The following WARS2 variants were observed in gnomAD, a reference collection of about 807,000 sequenced individuals.
The protein encoded by WARS2 is tryptophanyl tRNA synthetase 2, mitochondrial.
A neutral mutation model predicts 36.5 loss-of-function variants in WARS2; 28 were observed. That is an observed-to-expected ratio of 0.77 (90% CI 0.57 to 1.05). The LOEUF (loss-of-function observed/expected upper bound fraction) is 1.05, where lower values mean the gene tolerates loss of function less well. Ranked by LOEUF, WARS2 falls within the 50% of genes least tolerant of loss-of-function variation. The probability of loss-of-function intolerance (pLI) is 0.00; values close to 1 mark genes in which losing one functional copy is unlikely to be tolerated. For missense variants in WARS2, 435 were observed against 456.8 expected (o/e 0.95, Z 0.44); for synonymous variants, 174 against 178.4 (o/e 0.98, Z 0.20).
At chr1:119,114,460 G>C (rs181366919) in intron 1 of WARS2, among the ~76,000 whole-genome samples, 1 of 152,298 alleles carries the variant, frequency 6.6e-6, no homozygotes, top group African/African-American at 2.4e-5. Flanking sequence ...CTGGAGTAAA[G>C]TCCCTAAATG....
At chr1:119,078,945 TAG>T (rs1651979636) in intron 1 of WARS2, among the ~76,000 whole-genome samples, 1 of 114,000 alleles carries the variant, frequency 8.8e-6, no homozygotes, top group Non-Finnish European at 1.8e-5. Flanking sequence ...TACATATAGC[TAG>T]ACACACACAC....
At position 119,078,897 on chromosome 1, in the gene WARS2, CGTGTGT is replaced by C. The variant is rs144044142; in HGVS notation, c.91-2296_91-2291del. On this transcript the variant is annotated intron_variant, in intron 1 of 5. Transcript: ENST00000235521. ...AATACCCTGCAGTTATGAAGGTGCA[CGTGTGT>C]GTGTGTGTGTGTGTGTGCATATATG... Among the ~76,000 whole-genome samples the C allele has an allele frequency of 6.1e-5, 9 of 148,432 alleles. No homozygotes were observed. The South Asian group carries it at 8.6e-4, about 14-fold the overall frequency.
At chr1:119,098,873 A>G (rs1242260463) in intron 1 of WARS2, among the ~76,000 whole-genome samples, 2 of 152,064 alleles carry the variant, frequency 1.3e-5, no homozygotes, top group Non-Finnish European at 2.9e-5. Context: ...AGTAGTTGGG[A>G]TTACAGATGC....
chr1:119,089,831 T>C (rs1210328068), intron 1 of WARS2, among the ~76,000 whole-genome samples: 2 of 152,112 alleles, frequency 1.3e-5, no homozygotes, highest in Non-Finnish European at 2.9e-5. Context: ...TGCAGGGACA[T>C]AGATGGAGTT....
chr1:119,051,965 G>A (rs1234550617), intron 2 of WARS2, among the ~76,000 whole-genome samples: 2 of 151,676 alleles, frequency 1.3e-5, no homozygotes, highest in Admixed American at 6.6e-5. Flanking sequence ...TCACCATATC[G>A]GCCAGGCTGG....
At chr1:119,135,761 G>C (rs374971892) in intron 1 of WARS2, among the ~76,000 whole-genome samples, 1 of 87,080 alleles carries the variant, frequency 1.1e-5, no homozygotes, top group African/African-American at 4.3e-5. Flanking sequence ...TAGAGAGATA[G>C]AGAGAGAGAG....
chr1:119,091,588 C>G lies in WARS2; in HGVS notation c.91-14981G>C, dbSNP rs17023227. ...AAACTTCTAAGGGGTGTGTGATTCT[C>G]TTACACTGCTCACGCTAAAGATAAC... On this transcript the variant is annotated intron_variant, in intron 1 of 5. Coordinates refer to ENST00000235521, the MANE Select transcript of WARS2 (RefSeq NM_015836.4). 8.5e-3 allele frequency among the ~76,000 whole-genome samples: 1,294 copies of G among 152,290 alleles called. 17 individuals carry two copies. Among genetic ancestry groups the G allele is most frequent in the African/African-American group, 0.03 (1,235 of 41,564 alleles).
intron 1 of WARS2, chr1:119,085,268 A>C (rs1652541707): frequency 2.1e-6 from 2 of 955,180 alleles, no homozygotes; most frequent in South Asian, 2.6e-5. Context: ...TCTCTGCCCA[A>C]CCAGAGTAGG....
chr1:119,099,567 C>T (rs56833955), intron 1 of WARS2, among the ~76,000 whole-genome samples: 1,564 of 152,214 alleles, frequency 0.01, 35 homozygotes, highest in African/African-American at 0.036. Flanking sequence ...TTACTAATGT[C>T]TTCAGCAGTA....
At chr1:119,081,756 T>C (rs1022263245) in intron 1 of WARS2, among the ~76,000 whole-genome samples, 9 of 152,314 alleles carry the variant, frequency 5.9e-5, no homozygotes, top group African/African-American at 1.9e-4. Context: ...CCTACATTCC[T>C]GAAATTATCT....
At chr1:119,044,857 A>G (rs562630399) in intron 3 of WARS2, among the ~76,000 whole-genome samples, 37 of 152,304 alleles carry the variant, frequency 2.4e-4, no homozygotes, top group African/African-American at 8.2e-4. Flanking sequence ...GAGGGAACAC[A>G]TTCAGACCAT....
intron 4 of WARS2, 45 bp downstream of exon 4, chr1:119,042,219 T>C: frequency 6.3e-7 from 1 of 1,583,392 alleles, no homozygotes; most frequent in South Asian, 1.1e-5. Flanking sequence ...AACACTCTCT[T>C]GTCACCATGA....
At chr1:119,076,994 C>A (rs1001475516) in intron 1 of WARS2, among the ~76,000 whole-genome samples, 3 of 151,614 alleles carry the variant, frequency 2.0e-5, no homozygotes, top group African/African-American at 7.3e-5. Context: ...ACAAAAATCA[C>A]CTGGGCGTGG....
At chr1:119,108,207 T>G (rs1447491442) in intron 1 of WARS2, among the ~76,000 whole-genome samples, 2 of 152,038 alleles carry the variant, frequency 1.3e-5, no homozygotes. Context: ...ACAGAATGAG[T>G]TTGGAAGTAT....
intron 1 of WARS2, among the ~76,000 whole-genome samples, chr1:119,099,627 G>T (rs1223491970): frequency 6.6e-6 from 1 of 152,164 alleles, no homozygotes; most frequent in African/African-American, 2.4e-5. Flanking sequence ...GAGGATAAAT[G>T]TGTGTTTTAG....
At chr1:119,106,959 T>C (rs1654281883) in intron 1 of WARS2, among the ~76,000 whole-genome samples, 1 of 152,204 alleles carries the variant, frequency 6.6e-6, no homozygotes, top group Non-Finnish European at 1.5e-5. Flanking sequence ...CTTCACATTC[T>C]TGCCAGCATT....
chr1:119,033,291 G>T lies in WARS2; in HGVS notation c.703C>A (p.Leu235Met). The T allele has an allele frequency of 6.2e-7, 1 of 1,614,250 alleles. No homozygotes were observed. Among genetic ancestry groups the T allele is most frequent in the Non-Finnish European group, 8.5e-7 (1 of 1,180,044 alleles). Residue 235 changes from leucine to methionine, a missense_variant, in exon 6 of 6, where the codon CTG becomes ATG. Leu to Met is a conservative substitution (Grantham distance 15). Coordinates refer to ENST00000235521, the MANE Select transcript of WARS2 (RefSeq NM_015836.4). ...AKMSKSDPDK[L>M]ATVRITDSPE... ...CTGTCTGTTATTCGGACGGTGGCCAGTTTGTCAGGGTCTGATTTCGACATT... is the reference window on the plus strand; with the variant it reads ...CTGTCTGTTATTCGGACGGTGGCCATTTTGTCAGGGTCTGATTTCGACATT...
In WARS2 at chr1:119,037,936, T is replaced by G. The variant is rs369591743; in HGVS notation, c.516-3723A>C. Among the ~76,000 whole-genome samples the G allele has an allele frequency of 3.3e-5, 5 of 152,362 alleles. No individual in the cohort carries two copies. The East Asian group carries it at 9.6e-4, about 29-fold the overall frequency. ...GCCTCTAAATAGATGGCCCCAGATA[T>G]TCTTCTCTTCCTAAAACTCATTCTC... On this transcript the variant is annotated intron_variant, in intron 4 of 5. Coordinates refer to ENST00000235521, the MANE Select transcript of WARS2 (RefSeq NM_015836.4).
At chr1:119,071,086 G>A (rs1200657050) in intron 2 of WARS2, among the ~76,000 whole-genome samples, 1 of 152,156 alleles carries the variant, frequency 6.6e-6, no homozygotes, top group Non-Finnish European at 1.5e-5. Context: ...GGGAGGCTGA[G>A]GCAGGAGAAT....
Sources: gnomAD v4.1 joint callset for allele counts (sites outside exome capture counted in the v4.1 genomes callset) on GRCh38, gnomAD v4.1.1 for gene constraint, MANE v1.5 for transcripts, NCBI Gene and HGNC (gene_info 2026-07-23, HGNC 2026-07-21) for gene names.